ACYP2: variants seen among roughly 807,000 people sequenced by gnomAD.
ACYP2 encodes acylphosphatase 2, also known as acylphosphatase-2.
A neutral mutation model predicts 11.2 loss-of-function variants in ACYP2; 12 were observed. The observed-to-expected ratio is 1.08, with a 90% CI of 0.69 to 1.74. The LOEUF is 1.74. ACYP2 is among the 40% of genes most tolerant of loss of function. The pLI, the probability that ACYP2 is intolerant of heterozygous loss-of-function variation, is 0.00. For missense variants in ACYP2, 134 were observed against 101.9 expected (o/e 1.31, Z -1.35); for synonymous variants, 43 against 32.2 (o/e 1.33, Z -1.13).
chr2:54,233,538 C>T (rs905520630), intron 6 of ACYP2, among the ~76,000 whole-genome samples: 2 of 152,026 alleles, frequency 1.3e-5, no homozygotes, highest in African/African-American at 4.8e-5. Flanking sequence ...CTCCTGAGCT[C>T]AAAGTGATCT....
chr2:54,268,024 A>G (rs765420582), intron 6 of ACYP2, among the ~76,000 whole-genome samples: 7 of 152,198 alleles, frequency 4.6e-5, no homozygotes, highest in Non-Finnish European at 1.0e-4. Context: ...TTAAAAATAC[A>G]TATATACAAT....
chr2:54,273,457 T>G (rs1306280062), intron 6 of ACYP2, among the ~76,000 whole-genome samples: 1 of 152,170 alleles, frequency 6.6e-6, no homozygotes, highest in Non-Finnish European at 1.5e-5. Context: ...TAGTTAACAT[T>G]TCTAAACTTT....
chr2:54,053,997 CAG>C (rs1238250733), intron 3 of ACYP2, among the ~76,000 whole-genome samples: 1 of 152,188 alleles, frequency 6.6e-6, no homozygotes, highest in Non-Finnish European at 1.5e-5. Context: ...GATACTGGCA[CAG>C]ACTCTCTGGG....
chr2:54,033,348 C>T (rs1476732053), intron 2 of ACYP2, among the ~76,000 whole-genome samples: 1 of 151,860 alleles, frequency 6.6e-6, no homozygotes, highest in African/African-American at 2.4e-5. Context: ...CAGTTGTGTG[C>T]CACCATGCCT....
chr2:54,179,114 A>C (rs1235407), intron 6 of ACYP2, among the ~76,000 whole-genome samples: 1 of 151,586 alleles, frequency 6.6e-6, no homozygotes. Context: ...TTTAATAAGC[A>C]CATTAAGGGA....
At chr2:54,263,490 G>A (rs1687868435) in intron 6 of ACYP2, among the ~76,000 whole-genome samples, 1 of 152,172 alleles carries the variant, frequency 6.6e-6, no homozygotes, top group Non-Finnish European at 1.5e-5. Context: ...CAGGCATGGT[G>A]CTGCATACCT....
At chr2:54,047,429 G>A (rs999911277) in intron 2 of ACYP2, among the ~76,000 whole-genome samples, 3 of 152,188 alleles carry the variant, frequency 2.0e-5, no homozygotes, top group African/African-American at 7.2e-5. Flanking sequence ...CTTCTGCTGC[G>A]TGGCCCTGTC....
At chr2:54,012,512 T>G (rs1380748177) in intron 2 of ACYP2, among the ~76,000 whole-genome samples, 1 of 152,080 alleles carries the variant, frequency 6.6e-6, no homozygotes, top group African/African-American at 2.4e-5. Context: ...AGACCCTGTC[T>G]CAATCAATCA....
chr2:53,975,469 G>T (rs906105584), intron 2 of ACYP2: 1 of 388,466 alleles, frequency 2.6e-6, no homozygotes, highest in East Asian at 3.6e-5. Flanking sequence ...GTCTGGGGTG[G>T]ATTTTCTCTT....
chr2:54,068,427 G>A (rs1414736126), intron 4 of ACYP2, among the ~76,000 whole-genome samples: 2 of 152,144 alleles, frequency 1.3e-5, no homozygotes, highest in Non-Finnish European at 2.9e-5. Flanking sequence ...ACTTGAGAGG[G>A]AATAAAGAAA....
At position 54,064,036 on chromosome 2, in the gene ACYP2, C is replaced by T. The variant is rs112022452; in HGVS notation, c.277+6676C>T. On this transcript the variant is annotated intron_variant, in intron 4 of 6. Transcript: ENST00000607452. ...TTTCCTCTCTTTTTCTTTTTTGAGA[C>T]GGGGTCTCGCTATTGTTGCCCTTGT... 3.4e-3 allele frequency among the ~76,000 whole-genome samples: 521 copies of T among 152,184 alleles called. 4 individuals are homozygous for T. Among genetic ancestry groups the T allele is most frequent in the African/African-American group, 0.012 (487 of 41,518 alleles).
At chr2:54,179,089 G>A (rs536044249) in intron 6 of ACYP2, among the ~76,000 whole-genome samples, 1 of 152,178 alleles carries the variant, frequency 6.6e-6, no homozygotes, top group South Asian at 2.1e-4. Flanking sequence ...GGGTGAGGGA[G>A]CTCTCTAGGG....
chr2:54,138,692 C>G lies in ACYP2; in HGVS notation c.348C>G (p.Thr116=). The change falls in exon 6 of 7, where the codon ACC becomes ACG. Residue 116 remains threonine (T), a synonymous_variant. Coordinates refer to ENST00000607452, the MANE Select transcript of ACYP2 (RefSeq NM_001320586.2). ...GAGTGGTTGGCTGGGTGAAGAATAC[C>G]AGCAAAGGCACCGTGACAGGCCAAG... 6.2e-7 allele frequency: 1 copy of G among 1,614,004 alleles called. No individual in the cohort carries two copies. The highest frequency in any genetic ancestry group is 8.5e-7 in the Non-Finnish European group (1 of 1,179,958).
At chr2:54,074,724 T>C (rs1382203139) in intron 4 of ACYP2, among the ~76,000 whole-genome samples, 4 of 152,006 alleles carry the variant, frequency 2.6e-5, no homozygotes, top group Non-Finnish European at 5.9e-5. Context: ...GTTATGGAGA[T>C]TGACAAGTCC....
intron 6 of ACYP2, among the ~76,000 whole-genome samples, chr2:54,210,224 A>AATTC (rs1685276970): frequency 3.9e-5 from 6 of 151,940 alleles, no homozygotes; most frequent in Non-Finnish European, 7.4e-5. Flanking sequence ...GATAAAACTA[A>AATTC]TGTATATCAT....
At chr2:54,275,051 G>A (rs1406300738) in intron 6 of ACYP2, among the ~76,000 whole-genome samples, 1 of 151,156 alleles carries the variant, frequency 6.6e-6, no homozygotes, top group Non-Finnish European at 1.5e-5. Flanking sequence ...TTTAAGTTCT[G>A]TGTAAGGTAA....
chr2:54,116,023 T>A (rs1409663077), intron 4 of ACYP2, among the ~76,000 whole-genome samples: 1 of 152,002 alleles, frequency 6.6e-6, no homozygotes, highest in Non-Finnish European at 1.5e-5. Flanking sequence ...AGTGGGCGGC[T>A]GCTGGGTGCG....
At chr2:54,231,503 G>A (rs974563853) in intron 6 of ACYP2, among the ~76,000 whole-genome samples, 25 of 152,264 alleles carry the variant, frequency 1.6e-4, no homozygotes, top group African/African-American at 5.5e-4. Flanking sequence ...GAATGAGCAC[G>A]GGCTCAGGTT....
At chr2:54,123,443 G>T in intron 4 of ACYP2, 1 of 398,524 alleles carries the variant, frequency 2.5e-6, no homozygotes, top group Admixed American at 4.4e-5. Flanking sequence ...CCTGTTTTCT[G>T]CTTTCCTTTT....
Sources: allele counts gnomAD v4.1 joint callset (sites outside exome capture counted in the v4.1 genomes callset), GRCh38; gene constraint gnomAD v4.1.1; transcripts MANE v1.5; gene names NCBI Gene and HGNC (gene_info 2026-07-23, HGNC 2026-07-21).